Variants in TMEM135 observed in about 807,000 individuals in gnomAD.
TMEM135 encodes the protein peroxisomal membrane protein 52.
In TMEM135, 30 loss-of-function variants were observed where a neutral mutation model predicts 60.3. The observed-to-expected ratio is 0.50, with a 90% CI of 0.37 to 0.68. The LOEUF (loss-of-function observed/expected upper bound fraction) is 0.68. TMEM135 is among the 30% of genes least tolerant of loss of function. The probability of loss-of-function intolerance (pLI) is 0.00; values close to 1 mark genes in which losing one functional copy is unlikely to be tolerated. For synonymous variants in TMEM135, 190 were observed against 186.7 expected (o/e 1.02, Z -0.14); for missense variants, 468 against 548.8 (o/e 0.85, Z 1.47).
chr11:87,131,183 A>C (rs915996816), intron 4 of TMEM135, among the ~76,000 whole-genome samples: 1 of 152,192 alleles, frequency 6.6e-6, no homozygotes, highest in African/African-American at 2.4e-5. Flanking sequence ...CATTTGTTAC[A>C]ATTAATGAAC....
chr11:87,294,632 C>T (rs982109423), intron 6 of TMEM135, among the ~76,000 whole-genome samples: 1 of 152,228 alleles, frequency 6.6e-6, no homozygotes, highest in African/African-American at 2.4e-5. Flanking sequence ...ATCCGCCGGC[C>T]TCGGCCTCCC....
chr11:87,185,290 CTA>C (rs1565478223), intron 5 of TMEM135, among the ~76,000 whole-genome samples: 1 of 152,074 alleles, frequency 6.6e-6, no homozygotes, highest in African/African-American at 2.4e-5. Context: ...CAGATAAGAT[CTA>C]TATGTTCCAG....
In TMEM135 at chr11:87,324,733, AT is replaced by A. The variant is rs1178944386; in HGVS notation, c.*3405del. 1 of 453,658 alleles carries A rather than the reference AT, an allele frequency of 2.2e-6. No homozygotes were observed. The highest frequency in any genetic ancestry group is 4.4e-6 in the Non-Finnish European group (1 of 226,712). 28.1% of individuals were successfully genotyped at this position (453,658 alleles called of 1,614,324 possible). On this transcript the variant is annotated 3_prime_UTR_variant, in exon 15 of 15. Transcript: ENST00000305494. The stretch of plus-strand genomic sequence containing the variant: ...GGTGTGAGCCACGGTACCTAGCCAT[AT>A]TTTTATTTGTATGAGTATTAAGTAG...
chr11:87,198,282 A>G (rs1244410334), intron 5 of TMEM135, among the ~76,000 whole-genome samples: 2 of 152,170 alleles, frequency 1.3e-5, no homozygotes, highest in Non-Finnish European at 2.9e-5. Flanking sequence ...TTTACTACAC[A>G]TTTGTATTAG....
At chr11:87,107,220 T>C (rs1317938407) in intron 4 of TMEM135, among the ~76,000 whole-genome samples, 1 of 152,212 alleles carries the variant, frequency 6.6e-6, no homozygotes, top group East Asian at 1.9e-4. Context: ...TCTAATAATT[T>C]ATCCATTTCT....
chr11:87,236,987 G>A (rs903543364), intron 6 of TMEM135, among the ~76,000 whole-genome samples: 31 of 151,956 alleles, frequency 2.0e-4, no homozygotes, highest in Admixed American at 5.9e-4. Context: ...ATCTTTTATG[G>A]ACCTGATTGT....
At chr11:87,195,152 C>A (rs762550365) in intron 5 of TMEM135, among the ~76,000 whole-genome samples, 1 of 152,074 alleles carries the variant, frequency 6.6e-6, no homozygotes, top group Non-Finnish European at 1.5e-5. Flanking sequence ...TGCAAGACAT[C>A]GAATGCAAAT....
At chr11:87,246,687 T>A (rs1288496545) in intron 6 of TMEM135, among the ~76,000 whole-genome samples, 1 of 145,378 alleles carries the variant, frequency 6.9e-6, no homozygotes, top group African/African-American at 2.6e-5. Flanking sequence ...TCTCGAGCCT[T>A]GGCTTTCAGC....
At chr11:87,169,086 G>T (rs1028496488) in intron 5 of TMEM135, among the ~76,000 whole-genome samples, 1 of 151,494 alleles carries the variant, frequency 6.6e-6, no homozygotes, top group East Asian at 1.9e-4. Flanking sequence ...ATCTTTGTTG[G>T]TTTAAAGTCT....
intron 4 of TMEM135, among the ~76,000 whole-genome samples, chr11:87,128,109 A>T (rs1000316404): frequency 1.2e-4 from 19 of 152,186 alleles, no homozygotes; most frequent in African/African-American, 3.9e-4. Context: ...AGACATTGCT[A>T]TAGATAATAG....
chr11:87,186,284 GC>G (rs1939651357), intron 5 of TMEM135, among the ~76,000 whole-genome samples: 1 of 152,092 alleles, frequency 6.6e-6, no homozygotes, highest in South Asian at 2.1e-4. Context: ...GAATCCTTTG[GC>G]TATAACCCTA....
At position 87,111,448 on chromosome 11, in the gene TMEM135, C is replaced by G. The variant is rs1857744030; in HGVS notation, c.396+20053C>G. Among the ~76,000 whole-genome samples, 5 of 151,556 alleles carry G rather than the reference C, an allele frequency of 3.3e-5. No homozygotes were observed. The South Asian group carries it at 1.0e-3, about 32-fold the overall frequency. On this transcript the variant is annotated intron_variant, in intron 4 of 14. Coordinates refer to ENST00000305494, the MANE Select transcript of TMEM135 (RefSeq NM_022918.4). Reference sequence around the variant, plus strand: ...GGATCACGAGGTCAGGAGATTGAGACCATCTTGGCTAACATGATGAAACCC... The same window carrying G: ...GGATCACGAGGTCAGGAGATTGAGAGCATCTTGGCTAACATGATGAAACCC...
At chr11:87,166,015 A>G (rs1003752416) in intron 5 of TMEM135, among the ~76,000 whole-genome samples, 2 of 151,024 alleles carry the variant, frequency 1.3e-5, no homozygotes, top group East Asian at 1.9e-4. Flanking sequence ...TCCTTGACAC[A>G]TACACTCTCC....
chr11:87,122,958 G>T (rs1937626850), intron 4 of TMEM135, among the ~76,000 whole-genome samples: 4 of 152,074 alleles, frequency 2.6e-5, no homozygotes, highest in African/African-American at 9.7e-5. Context: ...CCAGCTTTGT[G>T]GGTCATATGG....
chr11:87,195,320 T>C (rs572740388), intron 5 of TMEM135, among the ~76,000 whole-genome samples: 1 of 11,720 alleles, frequency 8.5e-5, no homozygotes, highest in African/African-American at 2.8e-4. Flanking sequence ...TCTCTTTCCT[T>C]CCTTCCTTCC....
chr11:87,160,936 C>T (rs964073803), intron 5 of TMEM135, among the ~76,000 whole-genome samples: 23 of 152,110 alleles, frequency 1.5e-4, no homozygotes, highest in Admixed American at 3.9e-4. Flanking sequence ...GTCTCACTCT[C>T]TCGCCCAGAC....
At chr11:87,111,141 G>T (rs982953213) in intron 4 of TMEM135, among the ~76,000 whole-genome samples, 1 of 152,186 alleles carries the variant, frequency 6.6e-6, no homozygotes, top group African/African-American at 2.4e-5. Context: ...AAAGAAGGAC[G>T]AAGAAATGCT....
At chr11:87,159,865 A>C (rs951089477) in intron 5 of TMEM135, among the ~76,000 whole-genome samples, 3 of 152,172 alleles carry the variant, frequency 2.0e-5, no homozygotes, top group African/African-American at 7.2e-5. Context: ...TCTGTTTGAG[A>C]GTAGGAGTAA....
At chr11:87,305,843 A>G (rs1454240702) in intron 8 of TMEM135, 93 bp from the exon 9 acceptor site, 2 of 618,656 alleles carry the variant, frequency 3.2e-6, no homozygotes, top group Non-Finnish European at 5.2e-6. Flanking sequence ...TTTTTTGGTT[A>G]GAAAGCTTTA....
Sources: allele counts gnomAD v4.1 joint callset (sites outside exome capture counted in the v4.1 genomes callset), GRCh38; gene constraint gnomAD v4.1.1; transcripts MANE v1.5; gene names NCBI Gene and HGNC (gene_info 2026-07-23, HGNC 2026-07-21).